IL1RAPL1: variants seen among roughly 807,000 people sequenced by gnomAD.
The protein encoded by IL1RAPL1 is interleukin-1 receptor accessory protein-like 1.
A neutral mutation model predicts 48.4 loss-of-function variants in IL1RAPL1; 3 were observed. That is an observed-to-expected ratio of 0.06 (90% CI 0.03 to 0.16). IL1RAPL1 has a LOEUF of 0.16. IL1RAPL1 is among the 10% of genes least tolerant of loss of function. IL1RAPL1 has a pLI of 1.00. For missense variants in IL1RAPL1, 349 were observed against 530.6 expected (o/e 0.66, Z 3.36); for synonymous variants, 185 against 187.7 (o/e 0.99, Z 0.12).
chrX:29,398,838 A>G (rs1027319917), intron 4 of IL1RAPL1, among the ~76,000 whole-genome samples: 4 of 111,870 alleles, frequency 3.6e-5, no homozygotes, highest in African/African-American at 1.3e-4. Context: ...CTATTCTTAT[A>G]TCTAATAAAT....
At chrX:29,624,189 G>A (rs141855038) in intron 5 of IL1RAPL1, among the ~76,000 whole-genome samples, 1 of 111,341 alleles carries the variant, frequency 9.0e-6, no homozygotes, top group Non-Finnish European at 1.9e-5. Flanking sequence ...TGTTGTTAAT[G>A]CTTCGGATGG....
intron 2 of IL1RAPL1, among the ~76,000 whole-genome samples, chrX:28,922,180 C>A (rs1302312992): frequency 9.0e-6 from 1 of 111,511 alleles, no homozygotes; most frequent in Non-Finnish European, 1.9e-5. Flanking sequence ...TTTCATTCTA[C>A]CCTGCTAGAA....
chrX:29,348,864 C>G (rs1328099096), intron 3 of IL1RAPL1, among the ~76,000 whole-genome samples: 2 of 111,362 alleles, frequency 1.8e-5, no homozygotes, highest in African/African-American at 6.5e-5. Flanking sequence ...TCATTTTGTC[C>G]TATGGACTCA....
At position 29,918,123 on chromosome X, in the gene IL1RAPL1, C is replaced by CAAAA. The variant is rs781348669; in HGVS notation, c.911+546_911+549dup. Among the ~76,000 whole-genome samples the CAAAA allele has an allele frequency of 6.4e-4, 5 of 7,816 alleles. 1 individual carries two copies. The highest frequency in any genetic ancestry group is 5.9e-3 in the Admixed American group (2 of 338). 6.8% of individuals were successfully genotyped at this position (7,816 alleles called of 115,157 possible). A position where few individuals can be genotyped will look rare whatever the true frequency, so the allele number is the denominator to read the frequency against. ...GAACAACAGAGTGAGACTCTGTCTC[C>CAAAA]AAAAAAAAAAAAAAAAAAAAAATAT... On this transcript the variant is annotated intron_variant, in intron 7 of 10. Coordinates refer to ENST00000378993, the MANE Select transcript of IL1RAPL1 (RefSeq NM_014271.4).
intron 2 of IL1RAPL1, among the ~76,000 whole-genome samples, chrX:29,273,504 C>T (rs1050372660): frequency 8.9e-6 from 1 of 111,771 alleles, no homozygotes; most frequent in East Asian, 2.8e-4. Context: ...TCTTGCTGTA[C>T]TGGAGGGACC....
At chrX:29,896,709 G>C (rs1478216858) in intron 6 of IL1RAPL1, among the ~76,000 whole-genome samples, 1 of 112,156 alleles carries the variant, frequency 8.9e-6, no homozygotes, top group Non-Finnish European at 1.9e-5. Context: ...GACCACGGCA[G>C]TAAGAATGAG....
chrX:29,699,285 T>C (rs977027613), intron 6 of IL1RAPL1, among the ~76,000 whole-genome samples: 3 of 112,566 alleles, frequency 2.7e-5, no homozygotes, highest in Non-Finnish European at 5.6e-5. Context: ...TTTATTTTGC[T>C]TTGTTATTTT....
intron 1 of IL1RAPL1, among the ~76,000 whole-genome samples, chrX:28,774,546 G>T (rs12847959): frequency 1.8e-5 from 2 of 110,113 alleles, no homozygotes; most frequent in African/African-American, 3.3e-5. Flanking sequence ...TTACCACATG[G>T]TCTTTTCCAT....
intron 1 of IL1RAPL1, among the ~76,000 whole-genome samples, chrX:28,739,510 A>C (rs1935883150): frequency 9.0e-6 from 1 of 111,354 alleles, no homozygotes; most frequent in Admixed American, 9.6e-5. Context: ...CCATACGAGG[A>C]AGATACCATT....
intron 1 of IL1RAPL1, among the ~76,000 whole-genome samples, chrX:28,768,729 GTCTC>G (rs1203182036): frequency 4.7e-4 from 24 of 50,714 alleles, no homozygotes; most frequent in South Asian, 3.3e-3. Flanking sequence ...CTCTCTCTCT[GTCTC>G]TCTCTCTCTC....
At chrX:28,777,202 T>C (rs1411605146) in intron 1 of IL1RAPL1, among the ~76,000 whole-genome samples, 6 of 111,373 alleles carry the variant, frequency 5.4e-5, no homozygotes, top group African/African-American at 2.0e-4. Flanking sequence ...CCTTGGCTCA[T>C]GGCTGCATCA....
chrX:29,574,639 C>G (rs1466239526), intron 5 of IL1RAPL1, among the ~76,000 whole-genome samples: 1 of 111,480 alleles, frequency 9.0e-6, no homozygotes, highest in Non-Finnish European at 1.9e-5. Context: ...ATCTCTGCAG[C>G]CAGCTTGAGT....
At chrX:28,895,509 G>A (rs1252360622) in intron 2 of IL1RAPL1, among the ~76,000 whole-genome samples, 1 of 109,790 alleles carries the variant, frequency 9.1e-6, no homozygotes, top group African/African-American at 3.3e-5. Context: ...GCTTTGAACT[G>A]GGGAAAAGGG....
chrX:29,215,375 G>A (rs952737974), intron 2 of IL1RAPL1, among the ~76,000 whole-genome samples: 2 of 110,513 alleles, frequency 1.8e-5, no homozygotes, highest in Non-Finnish European at 3.8e-5. Context: ...TATCTTCTAT[G>A]TGTATGCATA....
chrX:29,447,648 A>T (rs1469521458), intron 5 of IL1RAPL1, among the ~76,000 whole-genome samples: 1 of 112,229 alleles, frequency 8.9e-6, no homozygotes, highest in East Asian at 2.8e-4. Context: ...TTATAGAAAG[A>T]GTCCTTATAC....
chrX:28,721,585 G>C (rs1340497537), intron 1 of IL1RAPL1, among the ~76,000 whole-genome samples: 1 of 111,123 alleles, frequency 9.0e-6, no homozygotes, highest in Non-Finnish European at 1.9e-5. Context: ...CTGTGCAGAA[G>C]CTCTTTAGTT....
At chrX:28,837,537 C>T (rs7891189) in intron 2 of IL1RAPL1, among the ~76,000 whole-genome samples, 7,824 of 109,365 alleles carry the variant, frequency 0.072, 727 homozygotes, top group African/African-American at 0.25. Flanking sequence ...TGGGCAATAC[C>T]GTTCCTGTGT....
At chrX:28,608,202 A>G (rs1385653533) in intron 1 of IL1RAPL1, among the ~76,000 whole-genome samples, 3 of 111,778 alleles carry the variant, frequency 2.7e-5, no homozygotes, top group Non-Finnish European at 5.6e-5. Flanking sequence ...TAGCTGTGGT[A>G]AGGGTAATCA....
chrX:29,203,643 C>T (rs898398595), intron 2 of IL1RAPL1, among the ~76,000 whole-genome samples: 1 of 105,358 alleles, frequency 9.5e-6, no homozygotes, highest in Admixed American at 1.0e-4. Context: ...CGCTTGAACC[C>T]GGGAGGCAGA....
Sources: allele counts gnomAD v4.1 joint callset (sites outside exome capture counted in the v4.1 genomes callset), GRCh38; gene constraint gnomAD v4.1.1; transcripts MANE v1.5; gene names NCBI Gene and HGNC (gene_info 2026-07-23, HGNC 2026-07-21).